The following CERKL variants were observed in gnomAD, a reference collection of about 807,000 sequenced individuals.
CERKL encodes ceramide kinase-like protein.
Under a neutral mutation model 63.4 loss-of-function variants are expected in CERKL, and 61 were observed. The ratio of observed to expected loss-of-function variants is 0.96; its 90% CI spans 0.78 to 1.19. The LOEUF (loss-of-function observed/expected upper bound fraction) is 1.19. Among genes scored for constraint, CERKL ranks in the 50% most tolerant of loss-of-function variants. The probability of loss-of-function intolerance (pLI) is 0.00; values close to 1 mark genes in which losing one functional copy is unlikely to be tolerated. For missense variants in CERKL, 675 were observed against 655.5 expected, an observed-to-expected ratio of 1.03 and a Z score of -0.33; for synonymous variants, 250 against 230.5, an observed-to-expected ratio of 1.08 and a Z score of -0.77.
At chr2:181,583,849 T>G (rs1684641927) in intron 2 of CERKL, among the ~76,000 whole-genome samples, 1 of 152,200 alleles carries the variant, frequency 6.6e-6, no homozygotes, top group Admixed American at 6.5e-5. Context: ...AGACACTAGT[T>G]GGTAAAAGTT....
At chr2:181,613,851 AAG>A (rs1275141727) in intron 1 of CERKL, among the ~76,000 whole-genome samples, 1 of 152,194 alleles carries the variant, frequency 6.6e-6, no homozygotes, top group African/African-American at 2.4e-5. Context: ...TTCTAATCAC[AAG>A]AGTCACTTGA....
At chr2:181,555,898 G>A (rs961136076) in intron 5 of CERKL, among the ~76,000 whole-genome samples, 6 of 151,642 alleles carry the variant, frequency 4.0e-5, no homozygotes, top group Admixed American at 1.3e-4. Flanking sequence ...GATCACAGGC[G>A]CACACCACCA....
rs1401319075 is a variant in CERKL, at chr2:181,606,240, G to A, written c.239-2161C>T. On this transcript the variant is annotated intron_variant, in intron 1 of 12. Transcript: ENST00000410087. Reference sequence around the variant, plus strand: ...GGAAGGAAAGGAAGGAAGGGAGGATGGAAGACAAGGAGGAAGACAGGGAGT... The same window carrying A: ...GGAAGGAAAGGAAGGAAGGGAGGATAGAAGACAAGGAGGAAGACAGGGAGT... Among the ~76,000 whole-genome samples the A allele has an allele frequency of 7.6e-4, 95 of 124,486 alleles. 1 individual carries two copies. Among genetic ancestry groups the A allele is most frequent in the African/African-American group, 2.8e-3 (91 of 31,932 alleles). 81.7% of individuals were successfully genotyped at this position (124,486 alleles called of 152,430 possible).
At chr2:181,572,096 C>G (rs960853614) in intron 3 of CERKL, among the ~76,000 whole-genome samples, 1 of 152,118 alleles carries the variant, frequency 6.6e-6, no homozygotes, top group Non-Finnish European at 1.5e-5. Context: ...TGGACTCTCT[C>G]ACATACACAC....
At chr2:181,629,688 C>T (rs1031020046) in intron 1 of CERKL, among the ~76,000 whole-genome samples, 8 of 151,104 alleles carry the variant, frequency 5.3e-5, no homozygotes, top group Admixed American at 2.6e-4. Flanking sequence ...TTAGAACAAG[C>T]AAATTCATGA....
chr2:181,628,115 G>C (rs1686792135), intron 1 of CERKL, among the ~76,000 whole-genome samples: 1 of 151,962 alleles, frequency 6.6e-6, no homozygotes, highest in Non-Finnish European at 1.5e-5. Context: ...AAAATTAGAT[G>C]ACCTTGGTAG....
intron 4 of CERKL, among the ~76,000 whole-genome samples, chr2:181,564,291 G>C (rs562619981): frequency 6.6e-6 from 1 of 152,236 alleles, no homozygotes; most frequent in Non-Finnish European, 1.5e-5. Context: ...GATTTAAAGA[G>C]TCTTAGAACA....
At chr2:181,582,448 C>T (rs78699960) in intron 2 of CERKL, among the ~76,000 whole-genome samples, 2,836 of 151,320 alleles carry the variant, frequency 0.019, 73 homozygotes, top group African/African-American at 0.064. Flanking sequence ...GTAGTAGTAT[C>T]GGTATAAAAT....
At chr2:181,612,141 C>G (rs1022711327) in intron 1 of CERKL, among the ~76,000 whole-genome samples, 3 of 152,200 alleles carry the variant, frequency 2.0e-5, no homozygotes, top group Middle Eastern at 3.2e-3. Flanking sequence ...GGTCACACAT[C>G]TGGTAGGAAC....
At chr2:181,590,112 G>T (rs994820839) in intron 2 of CERKL, among the ~76,000 whole-genome samples, 2 of 151,888 alleles carry the variant, frequency 1.3e-5, no homozygotes, top group Non-Finnish European at 2.9e-5. Context: ...ATGAGCCACT[G>T]CACCTGGCCC....
At chr2:181,638,423 TC>T (rs1687280345) in intron 1 of CERKL, among the ~76,000 whole-genome samples, 1 of 152,122 alleles carries the variant, frequency 6.6e-6, no homozygotes, top group South Asian at 2.1e-4. Flanking sequence ...TCAAAAGAAC[TC>T]AGAAGTCAAG....
At chr2:181,603,639 T>G in intron 2 of CERKL, 198 bp downstream of exon 2, 1 of 659,032 alleles carries the variant, frequency 1.5e-6, no homozygotes, top group Non-Finnish European at 2.8e-6. Context: ...ATTAACAGGA[T>G]GTAGGGAAAA....
chr2:181,579,162 T>A (rs1463433174), intron 2 of CERKL, among the ~76,000 whole-genome samples: 1 of 151,964 alleles, frequency 6.6e-6, no homozygotes, highest in East Asian at 1.9e-4. Flanking sequence ...ATAAGTTAAT[T>A]GAGATAATTA....
At chr2:181,597,412 C>T (rs1685264008) in intron 2 of CERKL, among the ~76,000 whole-genome samples, 2 of 152,142 alleles carry the variant, frequency 1.3e-5, no homozygotes, top group Non-Finnish European at 2.9e-5. Flanking sequence ...TGGATGCCAG[C>T]TCTTCTTAGA....
intron 11 of CERKL, among the ~76,000 whole-genome samples, chr2:181,542,001 G>A (rs1436887096): frequency 6.6e-6 from 1 of 152,224 alleles, no homozygotes; most frequent in African/African-American, 2.4e-5. Flanking sequence ...AGTGCATGAT[G>A]TTCAGACAGT....
chr2:181,655,773 TAA>T (rs1688127320), intron 1 of CERKL, among the ~76,000 whole-genome samples: 1 of 152,190 alleles, frequency 6.6e-6, no homozygotes, highest in Admixed American at 6.5e-5. Flanking sequence ...TGTATTTAGC[TAA>T]AAGAGGTTGA....
chr2:181,557,045 T>C (rs1347201901), intron 5 of CERKL, among the ~76,000 whole-genome samples: 6 of 152,234 alleles, frequency 3.9e-5, no homozygotes, highest in Admixed American at 6.5e-5. Context: ...ATGTCTTCTT[T>C]TGAGAAGTGT....
intron 1 of CERKL, among the ~76,000 whole-genome samples, chr2:181,637,254 T>G (rs1412355894): frequency 6.6e-6 from 1 of 152,226 alleles, no homozygotes; most frequent in Non-Finnish European, 1.5e-5. Context: ...TATTAACACA[T>G]TTATTCTTTG....
intron 1 of CERKL, chr2:181,650,039 C>G (rs62190009): frequency 7.3e-6 from 1 of 136,860 alleles, no homozygotes; most frequent in African/African-American, 2.8e-5. Flanking sequence ...AAGCCAAGAT[C>G]GTGCCTCTGC....
Sources: allele counts gnomAD v4.1 joint callset (sites outside exome capture counted in the v4.1 genomes callset), GRCh38; gene constraint gnomAD v4.1.1; transcripts MANE v1.5; gene names NCBI Gene and HGNC (gene_info 2026-07-23, HGNC 2026-07-21).